The following PRKN variants were observed in gnomAD, a reference collection of about 807,000 sequenced individuals.
PRKN encodes parkin RBR E3 ubiquitin protein ligase.
In PRKN, 56 loss-of-function variants were observed where a neutral mutation model predicts 59.5. The observed-to-expected ratio is 0.94, with a 90% CI of 0.76 to 1.18. The LOEUF (loss-of-function observed/expected upper bound fraction) is 1.18, where lower values mean the gene tolerates loss of function less well. Ranked by LOEUF, PRKN falls within the 50% of genes most tolerant of loss-of-function variation. PRKN has a pLI of 0.00. For missense variants in PRKN, 657 were observed against 596.4 expected (o/e 1.10, Z -1.06); for synonymous variants, 250 against 222.1 (o/e 1.13, Z -1.12).
intron 6 of PRKN, among the ~76,000 whole-genome samples, chr6:161,922,048 A>G (rs1437777855): frequency 6.6e-6 from 1 of 152,228 alleles, no homozygotes; most frequent in Non-Finnish European, 1.5e-5. Flanking sequence ...CCTGCATCTA[A>G]TTCCAATTCA....
intron 7 of PRKN, among the ~76,000 whole-genome samples, chr6:161,741,160 T>G (rs959112521): frequency 6.6e-6 from 1 of 152,240 alleles, no homozygotes; most frequent in Non-Finnish European, 1.5e-5. Flanking sequence ...CAGTCATTCA[T>G]GCAACTCTGT....
intron 7 of PRKN, among the ~76,000 whole-genome samples, chr6:161,609,167 G>A (rs1782395805): frequency 6.6e-6 from 1 of 152,202 alleles, no homozygotes; most frequent in African/African-American, 2.4e-5. Flanking sequence ...TTCTGACACT[G>A]CAAGTGAGCT....
chr6:162,591,136 A>G (rs1437384824), intron 1 of PRKN, among the ~76,000 whole-genome samples: 1 of 152,144 alleles, frequency 6.6e-6, no homozygotes, highest in Non-Finnish European at 1.5e-5. Context: ...TTAGGAAACC[A>G]TTACAAATGG....
chr6:162,167,321 G>A, intron 4 of PRKN, among the ~76,000 whole-genome samples: 1 of 152,160 alleles, frequency 6.6e-6, no homozygotes, highest in South Asian at 2.1e-4. Flanking sequence ...TGGAATGCCT[G>A]GATTGGAGTC....
At chr6:162,520,685 T>C (rs1021916332) in intron 1 of PRKN, among the ~76,000 whole-genome samples, 2 of 152,188 alleles carry the variant, frequency 1.3e-5, no homozygotes, top group African/African-American at 4.8e-5. Context: ...AGATTTAGTG[T>C]ATTTTCTTCC....
intron 7 of PRKN, among the ~76,000 whole-genome samples, chr6:161,639,703 C>T (rs1018718309): frequency 1.3e-5 from 2 of 152,204 alleles, no homozygotes; most frequent in Admixed American, 6.5e-5. Context: ...AGCACCAACC[C>T]TCTGTGTATC....
intron 4 of PRKN, among the ~76,000 whole-genome samples, chr6:162,190,421 C>G (rs1364635854): frequency 6.6e-6 from 1 of 152,176 alleles, no homozygotes; most frequent in Non-Finnish European, 1.5e-5. Context: ...TGTCAACTCT[C>G]CCTCAACCTT....
At chr6:162,262,094 T>A (rs754190131) in intron 3 of PRKN, among the ~76,000 whole-genome samples, 20 of 152,188 alleles carry the variant, frequency 1.3e-4, no homozygotes, top group Non-Finnish European at 2.1e-4. Context: ...TTAATTTTTT[T>A]AAAATAACTA....
At chr6:161,993,714 T>A (rs917103382) in intron 5 of PRKN, among the ~76,000 whole-genome samples, 1 of 152,148 alleles carries the variant, frequency 6.6e-6, no homozygotes, top group Non-Finnish European at 1.5e-5. Context: ...TGAGACTGGA[T>A]AATTTATAAA....
chr6:162,053,628 T>C (rs758822815), intron 5 of PRKN, among the ~76,000 whole-genome samples: 3 of 152,028 alleles, frequency 2.0e-5, no homozygotes, highest in Non-Finnish European at 2.9e-5. Flanking sequence ...TTTGTAATAG[T>C]CCACTATGTC....
intron 6 of PRKN, among the ~76,000 whole-genome samples, chr6:161,885,292 C>A (rs550674571): frequency 5.3e-5 from 8 of 152,256 alleles, no homozygotes; most frequent in Admixed American, 3.9e-4. Context: ...CTAGTTTAAA[C>A]CACAGTGACT....
At position 162,116,356 on chromosome 6, in the gene PRKN, C is replaced by T. The variant is rs79773651; in HGVS notation, c.535-62182G>A. On this transcript the variant is annotated intron_variant, in intron 4 of 11. Coordinates refer to ENST00000366898, the MANE Select transcript of PRKN (RefSeq NM_004562.3). Reference sequence around the variant, plus strand: ...CTACTTGAGTGTCCCACTGGCTTAGCGGCAGATTTGGGTCTCAATTGCTGA... The same window carrying T: ...CTACTTGAGTGTCCCACTGGCTTAGTGGCAGATTTGGGTCTCAATTGCTGA... Among the ~76,000 whole-genome samples, 71 of 152,230 alleles carry T rather than the reference C, an allele frequency of 4.7e-4. 2 individuals are homozygous for T. The East Asian group carries it at 0.011, about 24-fold the overall frequency.
At chr6:162,460,730 G>T (rs1791112659) in intron 1 of PRKN, among the ~76,000 whole-genome samples, 1 of 152,136 alleles carries the variant, frequency 6.6e-6, no homozygotes, top group Non-Finnish European at 1.5e-5. Flanking sequence ...CTGTAATCAT[G>T]AGAAGAAACT....
chr6:162,003,190 A>G (rs1782123117), intron 5 of PRKN, among the ~76,000 whole-genome samples: 1 of 139,910 alleles, frequency 7.1e-6, no homozygotes, highest in South Asian at 2.4e-4. Flanking sequence ...CCTTCCCCCA[A>G]ATTGGGAGGT....
At chr6:162,415,555 C>A (rs1788585440) in intron 2 of PRKN, among the ~76,000 whole-genome samples, 1 of 152,122 alleles carries the variant, frequency 6.6e-6, no homozygotes, top group Non-Finnish European at 1.5e-5. Flanking sequence ...GCTCATGGCT[C>A]ACACCTGTAA....
chr6:162,574,893 T>C (rs991952801), intron 1 of PRKN, among the ~76,000 whole-genome samples: 2 of 150,552 alleles, frequency 1.3e-5, no homozygotes, highest in African/African-American at 2.4e-5. Context: ...CTAGTTGTTC[T>C]GAGTGGACTT....
intron 6 of PRKN, among the ~76,000 whole-genome samples, chr6:161,965,467 T>C (rs1415075721): frequency 1.3e-5 from 2 of 151,982 alleles, no homozygotes; most frequent in African/African-American, 2.4e-5. Flanking sequence ...GGAATAATGA[T>C]TAAAGGTGAG....
chr6:161,416,347 G>T (rs766103377), intron 9 of PRKN, among the ~76,000 whole-genome samples: 2 of 151,988 alleles, frequency 1.3e-5, no homozygotes, highest in African/African-American at 4.8e-5. Flanking sequence ...GTTTTCCCCC[G>T]AGGAGAGCGC....
Position 162,286,038 on chromosome 6 carries a change from A to C in PRKN, c.172-23273T>G, listed in dbSNP as rs574237432. 3.5e-4 allele frequency among the ~76,000 whole-genome samples: 54 copies of C among 152,302 alleles called. 1 individual carries two copies. Among genetic ancestry groups the C allele is most frequent in the African/African-American group, 1.3e-3 (52 of 41,582 alleles). ...CAAAGACTACAAAATGCAGCGTGGC[A>C]GCATAATCAAATTTACATCATCAGG... On this transcript the variant is annotated intron_variant, in intron 2 of 11. Transcript: ENST00000366898.
Sources: gnomAD v4.1 joint callset for allele counts (sites outside exome capture counted in the v4.1 genomes callset) on GRCh38, gnomAD v4.1.1 for gene constraint, MANE v1.5 for transcripts, NCBI Gene and HGNC (gene_info 2026-07-23, HGNC 2026-07-21) for gene names.